Variants in MICAL3 observed in about 807,000 individuals in gnomAD.
MICAL3 encodes the protein microtubule associated monooxygenase, calponin and LIM domain containing 3, also known as [F-actin]-monooxygenase MICAL3.
In MICAL3, 62 loss-of-function variants were observed where a neutral mutation model predicts 207.4. The observed-to-expected ratio is 0.30, with a 90% CI of 0.24 to 0.37. MICAL3 has a LOEUF of 0.37. MICAL3 is among the 10% of genes least tolerant of loss of function. The pLI is 1.00. For missense variants in MICAL3, 2,368 were observed against 2,635.6 expected, an observed-to-expected ratio of 0.90 and a Z score of 2.22; for synonymous variants, 1,077 against 1,069.3, an observed-to-expected ratio of 1.01 and a Z score of -0.14.
At chr22:17,891,716 C>G (rs548772099) in intron 11 of MICAL3, 84 bp from the exon 12 acceptor site, 6 of 1,371,780 alleles carry the variant, frequency 4.4e-6, no homozygotes, top group Non-Finnish European at 6.1e-6. Flanking sequence ...ACACATGTCC[C>G]CTTTGAAAAA....
At chr22:17,845,899 C>T (rs1569092073) in intron 19 of MICAL3, among the ~76,000 whole-genome samples, 2 of 152,116 alleles carry the variant, frequency 1.3e-5, no homozygotes, top group Non-Finnish European at 2.9e-5. Flanking sequence ...GACAGACACT[C>T]AGTCTTCCCA....
intron 16 of MICAL3, chr22:17,875,469 GGA>G (rs1170172806): frequency 3.2e-6 from 5 of 1,561,412 alleles, no homozygotes; most frequent in Non-Finnish European, 4.3e-6. Context: ...GTCGGAGGAG[GGA>G]GAGGCGGGGC....
intron 1 of MICAL3, chr22:18,001,651 T>G (rs1923027485): frequency 1.3e-5 from 2 of 152,730 alleles, no homozygotes. Context: ...CATTGCTACT[T>G]GCACGCTCAG....
At chr22:17,832,225 G>C in intron 20 of MICAL3, 118 bp from the exon 21 acceptor site, 1 of 1,289,762 alleles carries the variant, frequency 7.8e-7, no homozygotes, top group Non-Finnish European at 1.1e-6. Context: ...TGAGCAGGCG[G>C]AGAGAGACAG....
At chr22:17,806,667 G>A (rs926542621) in intron 29 of MICAL3, among the ~76,000 whole-genome samples, 3 of 152,182 alleles carry the variant, frequency 2.0e-5, no homozygotes, top group African/African-American at 7.2e-5. Context: ...GCTATAACCT[G>A]TGTTTTCAAA....
chr22:17,835,667 TGG>T, intron 20 of MICAL3, among the ~76,000 whole-genome samples: 1 of 152,348 alleles, frequency 6.6e-6, no homozygotes, highest in Middle Eastern at 3.4e-3. Context: ...TCCCTCCCTC[TGG>T]GGAGGCTGAC....
rs773040439 is a variant in MICAL3, at chr22:17,791,216, C to T, written c.5736G>A (p.Ser1912=). 1.8e-5 allele frequency: 29 copies of T among 1,613,772 alleles called. No individual in the cohort carries two copies. Among genetic ancestry groups the T allele is most frequent in the East Asian group, 4.5e-5 (2 of 44,856 alleles). ...QEKNAMVRYE[S]ELMIFARELE... ...AGGCCACTCACAAGATCATCAGCTC[C>T]GACTCGTAGCGCACCATGGCGTTCT... The change falls in exon 30 of 32, where the codon TCG becomes TCA. Residue 1912 remains serine, a synonymous_variant. Transcript: ENST00000441493.
chr22:18,008,548 C>T (rs1458916769), intron 1 of MICAL3, among the ~76,000 whole-genome samples: 2 of 152,070 alleles, frequency 1.3e-5, no homozygotes, highest in Non-Finnish European at 2.9e-5. Context: ...ATGAAAGGCT[C>T]CATGTTCTTG....
intron 1 of MICAL3, among the ~76,000 whole-genome samples, chr22:17,958,177 TCTA>T (rs1471870687): frequency 6.6e-6 from 1 of 152,184 alleles, no homozygotes; most frequent in Non-Finnish European, 1.5e-5. Flanking sequence ...TAGCTTATCT[TCTA>T]CTACCTCCTG....
intron 1 of MICAL3, among the ~76,000 whole-genome samples, chr22:17,984,520 G>A (rs1381041806): frequency 1.3e-5 from 2 of 151,948 alleles, no homozygotes; most frequent in South Asian, 2.1e-4. Context: ...GCTCCCTGAC[G>A]CCTTCCCAGA....
At chr22:17,802,626 A>G (rs1007203728) in intron 29 of MICAL3, among the ~76,000 whole-genome samples, 1 of 152,190 alleles carries the variant, frequency 6.6e-6, no homozygotes, top group African/African-American at 2.4e-5. Context: ...CAGGGAGGTG[A>G]GAGCCCCGCC....
chr22:17,895,945 G>C (rs936557079), intron 9 of MICAL3, among the ~76,000 whole-genome samples: 1 of 152,114 alleles, frequency 6.6e-6, no homozygotes, highest in African/African-American at 2.4e-5. Context: ...TTAGGGGTTT[G>C]AGAAACACTT....
intron 1 of MICAL3, among the ~76,000 whole-genome samples, chr22:17,935,179 T>C (rs1933455933): frequency 6.6e-6 from 1 of 152,114 alleles, no homozygotes; most frequent in African/African-American, 2.4e-5. Flanking sequence ...CTTCAAACTA[T>C]ACTACAAGGC....
At chr22:17,969,303 T>G (rs1032193239) in intron 1 of MICAL3, among the ~76,000 whole-genome samples, 22 of 152,208 alleles carry the variant, frequency 1.4e-4, no homozygotes, top group Non-Finnish European at 2.8e-4. Flanking sequence ...CCTCCCAAAG[T>G]GCTGGGATTA....
intron 19 of MICAL3, chr22:17,861,915 G>T: frequency 1.0e-6 from 1 of 985,324 alleles, no homozygotes; most frequent in Middle Eastern, 5.2e-4. Flanking sequence ...GGTTGTAATT[G>T]GGTGTGGGTG....
intron 17 of MICAL3, among the ~76,000 whole-genome samples, chr22:17,870,990 C>T (rs543389069): frequency 2.0e-5 from 3 of 152,180 alleles, no homozygotes; most frequent in Non-Finnish European, 4.4e-5. Flanking sequence ...CTCACAGTCA[C>T]GCAATCTTCT....
intron 20 of MICAL3, among the ~76,000 whole-genome samples, chr22:17,839,116 T>A (rs967818754): frequency 6.7e-6 from 1 of 149,750 alleles, no homozygotes; most frequent in Non-Finnish European, 1.5e-5. Flanking sequence ...CAGGTCCGGA[T>A]AATTTTCATA....
intron 1 of MICAL3, among the ~76,000 whole-genome samples, chr22:17,954,930 G>T (rs1338251098): frequency 6.6e-6 from 1 of 151,958 alleles, no homozygotes; most frequent in Non-Finnish European, 1.5e-5. Context: ...CACCATGTTG[G>T]CTAGGCTGGT....
chr22:17,880,270 T>C (rs1268907104), intron 16 of MICAL3, among the ~76,000 whole-genome samples: 3 of 152,130 alleles, frequency 2.0e-5, no homozygotes, highest in African/African-American at 7.2e-5. Context: ...TACTTCAGTC[T>C]CCTCCCTGGT....
Sources: gnomAD v4.1 joint callset for allele counts (sites outside exome capture counted in the v4.1 genomes callset) on GRCh38, gnomAD v4.1.1 for gene constraint, MANE v1.5 for transcripts, NCBI Gene and HGNC (gene_info 2026-07-23, HGNC 2026-07-21) for gene names.